Variants in WNT8B observed in about 807,000 individuals in gnomAD.
The protein encoded by WNT8B is protein Wnt-8b.
Under a neutral mutation model 36.6 loss-of-function variants are expected in WNT8B, and 24 were observed. The observed-to-expected ratio is 0.66, with a 90% confidence interval of 0.48 to 0.92. The LOEUF (loss-of-function observed/expected upper bound fraction) is 0.92, where lower values mean the gene tolerates loss of function less well. WNT8B is among the 40% of genes least tolerant of loss of function. The pLI is 0.00. For synonymous variants in WNT8B, 199 were observed against 189.8 expected (o/e 1.05, Z -0.40); for missense variants, 402 against 470.8 (o/e 0.85, Z 1.35).
In WNT8B at chr10:100,482,310, G is replaced by A. The variant is rs1309025860; in HGVS notation, c.550G>A (p.Gly184Ser). The change falls in exon 6 of 6, where the codon GGC becomes AGC. Residue 184 changes from glycine (G) to serine (S), a missense_variant. Physicochemically the swap from Gly to Ser is moderately conservative, Grantham distance 56 (BLOSUM62 0). Around this residue, in one of 3 missense-constraint regions of WNT8B, gnomAD observed 256 missense variants for 278.6 expected, o/e 0.92. Coordinates refer to ENST00000343737, the MANE Select transcript of WNT8B (RefSeq NM_003393.4). The surrounding 1 kb of genome is among the most constrained non-coding windows in gnomAD (Gnocchi z 6.6). ...GTMKRTCKCH[G>S]VSGSCTTQTC... ...CATGAAACGCACGTGCAAGTGCCAC[G>A]GCGTGTCTGGCAGCTGCACCACGCA... 1.3e-6 allele frequency: 2 copies of A among 1,597,350 alleles called. No individual in the cohort carries two copies. Among genetic ancestry groups the A allele is most frequent in the South Asian group, 2.2e-5 (2 of 90,804 alleles).
intron 1 of WNT8B, among the ~76,000 whole-genome samples, chr10:100,469,951 T>C (rs1850955517): frequency 6.6e-6 from 1 of 152,240 alleles, no homozygotes; most frequent in Non-Finnish European, 1.5e-5. Context: ...GCAGTTTCCC[T>C]ACTCCATACC....
rs758511801 is a variant in WNT8B, at chr10:100,479,897, T to C, written c.126T>C (p.Ser42=). The C allele has an allele frequency of 6.2e-7, 1 of 1,614,058 alleles. No individual in the cohort carries two copies. Among genetic ancestry groups the C allele is most frequent in the East Asian group, 2.2e-5 (1 of 44,878 alleles). ...AGGCTTACCTGATTTACTCCAGCAG[T>C]GTGGCAGCTGGTGCCCAGAGTGGTA... The part of the protein sequence containing the change: ...GPKAYLIYSS[S]VAAGAQSGIE... The change falls in exon 3 of 6, where the codon AGT becomes AGC. Residue 42 remains serine (S), a synonymous_variant. Transcript: ENST00000343737.
Position 100,482,375 on chromosome 10 carries a change from C to A in WNT8B, c.615C>A (p.Gly205=). 1 of 1,606,242 alleles carries A rather than the reference C, an allele frequency of 6.2e-7. No homozygotes were observed. The highest frequency in any genetic ancestry group is 8.5e-7 in the Non-Finnish European group (1 of 1,179,942). Residue 205 remains glycine, a synonymous_variant, in exon 6 of 6, where the codon GGC becomes GGA. Transcript: ENST00000343737. The surrounding 1 kb of genome is among the most constrained non-coding windows in gnomAD (Gnocchi z 6.6). ...AGCTGCCCGAGTTCCGCGAGGTGGGCGCGCACCTGAAGGAGAAGTACCACG... is the reference window on the plus strand; with the variant it reads ...AGCTGCCCGAGTTCCGCGAGGTGGGAGCGCACCTGAAGGAGAAGTACCACG... The part of the protein sequence containing the change: ...WLQLPEFREV[G]AHLKEKYHAA...
At chr10:100,476,263 G>A (rs754023212) in intron 1 of WNT8B, among the ~76,000 whole-genome samples, 7 of 151,962 alleles carry the variant, frequency 4.6e-5, no homozygotes, top group Non-Finnish European at 7.4e-5. Flanking sequence ...AAGCCGAGAT[G>A]GCACCACTCT....
At chr10:100,466,108 C>T (rs1850905211) in intron 1 of WNT8B, among the ~76,000 whole-genome samples, 1 of 151,816 alleles carries the variant, frequency 6.6e-6, no homozygotes, top group Admixed American at 6.6e-5. Flanking sequence ...AGTGAAGATC[C>T]ACTAAAACTG....
intron 3 of WNT8B, among the ~76,000 whole-genome samples, chr10:100,480,709 C>T (rs1326024309): frequency 2.0e-5 from 3 of 152,022 alleles, no homozygotes; most frequent in African/African-American, 2.4e-5. Flanking sequence ...GGGTAAGATA[C>T]ACTATAAAGA....
chr10:100,482,080 G>A lies in WNT8B; in HGVS notation c.510+26G>A, dbSNP rs753607495. The A allele has an allele frequency of 2.5e-6, 4 of 1,613,516 alleles. No individual in the cohort carries two copies. The highest frequency in any genetic ancestry group is 2.5e-6 in the Non-Finnish European group (3 of 1,179,598). On this transcript the variant is annotated intron_variant, in intron 5 of 5. Coordinates refer to ENST00000343737, the MANE Select transcript of WNT8B (RefSeq NM_003393.4). This position sits in a 1 kb window ranked among gnomAD's most constrained non-coding sequence, Gnocchi z 6.6. The stretch of plus-strand genomic sequence containing the variant: ...GTGAGTCCCGCAGCCCTTGGAAATA[G>A]GCAGCTGCTGGCTATATCCACTACC...
chr10:100,482,305 G>A lies in WNT8B; in HGVS notation c.545G>A (p.Cys182Tyr). 2 of 1,596,586 alleles carry A rather than the reference G, an allele frequency of 1.3e-6. No individual in the cohort carries two copies. The highest frequency in any genetic ancestry group is 8.5e-7 in the Non-Finnish European group (1 of 1,176,482). ...VKGTMKRTCK[C>Y]HGVSGSCTTQ... ...GGCACCATGAAACGCACGTGCAAGT[G>A]CCACGGCGTGTCTGGCAGCTGCACC... The change falls in exon 6 of 6, where the codon TGC becomes TAC. Residue 182 changes from cysteine (C) to tyrosine (Y), a missense_variant. This residue lies in a region of WNT8B where 256 missense variants were observed against 278.6 expected (regional missense o/e 0.92). Coordinates refer to ENST00000343737, the MANE Select transcript of WNT8B (RefSeq NM_003393.4). This position sits in a 1 kb window ranked among gnomAD's most constrained non-coding sequence, Gnocchi z 6.6.
At position 100,483,018 on chromosome 10, in the gene WNT8B, C is replaced by G; in HGVS notation, c.*202C>G. 2.3e-5 allele frequency: 13 copies of G among 562,630 alleles called. No individual in the cohort carries two copies. The highest frequency in any genetic ancestry group is 7.5e-5 in the Admixed American group (2 of 26,584). The allele number at this position is 562,630 out of a possible 1,614,324, so 34.9% of individuals were successfully genotyped here. On this transcript the variant is annotated 3_prime_UTR_variant, in exon 6 of 6. Coordinates refer to ENST00000343737, the MANE Select transcript of WNT8B (RefSeq NM_003393.4). ...TGCTCTCCTAGAGCTCTGTCTGAAT[C>G]CTCGCAGCCACACCTAGGTCTGAGA...
rs1851140660 is a variant in WNT8B, at chr10:100,483,074, G to A, written c.*258G>A. 2.3e-6 allele frequency: 1 copy of A among 437,556 alleles called. No individual in the cohort carries two copies. Among genetic ancestry groups the A allele is most frequent in the Non-Finnish European group, 4.0e-6 (1 of 250,614 alleles). The allele number at this position is 437,556 out of a possible 1,614,324, so 27.1% of individuals were successfully genotyped here. The stretch of plus-strand genomic sequence containing the variant: ...GGCTTTGAGTTACTGATCTTCCTTG[G>A]ATTAGGAGAACAGGTGTTCCTCCTC... On this transcript the variant is annotated 3_prime_UTR_variant, in exon 6 of 6. Coordinates refer to ENST00000343737, the MANE Select transcript of WNT8B (RefSeq NM_003393.4).
chr10:100,472,090 A>G (rs1318256233), intron 1 of WNT8B, among the ~76,000 whole-genome samples: 2 of 149,566 alleles, frequency 1.3e-5, no homozygotes, highest in Non-Finnish European at 3.0e-5. Flanking sequence ...GCTACTCGGG[A>G]GGCTGAGGTG....
intron 1 of WNT8B, 141 bp from the exon 2 acceptor site, chr10:100,478,911 C>A: frequency 1.4e-6 from 1 of 708,758 alleles, no homozygotes; most frequent in Non-Finnish European, 2.2e-6. Flanking sequence ...GTTTGTTATG[C>A]ACAGTGTTTC....
intron 1 of WNT8B, among the ~76,000 whole-genome samples, chr10:100,478,823 T>G (rs1554840109): frequency 1.3e-5 from 2 of 152,168 alleles, no homozygotes; most frequent in Non-Finnish European, 2.9e-5. Context: ...CCTCAAGTGA[T>G]CCACCTGCTT....
chr10:100,472,394 G>T (rs1589723805), intron 1 of WNT8B, among the ~76,000 whole-genome samples: 1 of 152,004 alleles, frequency 6.6e-6, no homozygotes, highest in Non-Finnish European at 1.5e-5. Context: ...CACCACACCT[G>T]GCCGGAAGAT....
chr10:100,471,882 C>T (rs1194314599), intron 1 of WNT8B, among the ~76,000 whole-genome samples: 1 of 152,114 alleles, frequency 6.6e-6, no homozygotes, highest in Non-Finnish European at 1.5e-5. Flanking sequence ...CAACGAGACC[C>T]TGTCTCTACA....
intron 1 of WNT8B, among the ~76,000 whole-genome samples, chr10:100,466,092 T>A (rs1463912613): frequency 6.6e-6 from 1 of 152,016 alleles, no homozygotes; most frequent in Non-Finnish European, 1.5e-5. Context: ...AAACCATATA[T>A]GATCAAGTGA....
rs184745344 is a variant in WNT8B at position 100,469,748 on chromosome 10, C to T, written c.68+6512C>T. On this transcript the variant is annotated intron_variant, in intron 1 of 5. Transcript: ENST00000343737. ...ACATACCTTTGTGTCTGCTCGTGCA[C>T]ATGTGTTCTACAGGTCAGATGTGTG... Among the ~76,000 whole-genome samples, 13 of 152,306 alleles carry T rather than the reference C, an allele frequency of 8.5e-5. No individual in the cohort carries two copies. The East Asian group carries it at 2.5e-3, about 29-fold the overall frequency.
intron 1 of WNT8B, among the ~76,000 whole-genome samples, chr10:100,466,839 T>A (rs1467912464): frequency 6.6e-6 from 1 of 152,190 alleles, no homozygotes; most frequent in African/African-American, 2.4e-5. Context: ...TTGGGACTAT[T>A]AATAAAATTC....
At position 100,479,938 on chromosome 10, in the gene WNT8B, A is replaced by G. The variant is rs1236802178; in HGVS notation, c.167A>G (p.Tyr56Cys). The G allele has an allele frequency of 6.2e-7, 1 of 1,613,994 alleles. No individual in the cohort carries two copies. The highest frequency in any genetic ancestry group is 8.5e-7 in the Non-Finnish European group (1 of 1,179,932). The change falls in exon 3 of 6, where the codon TAT becomes TGT. Residue 56 changes from tyrosine to cysteine, a missense_variant. Physicochemically the swap from Tyr to Cys is radical, Grantham distance 194. This residue lies in a region of WNT8B where 131 missense variants were observed against 152.6 expected (regional missense o/e 0.86). Transcript: ENST00000343737. ...GAQSGIEECK[Y>C]QFAWDRWNCP... Reference sequence around the variant, plus strand: ...CAGAGTGGTATTGAAGAATGCAAGTATCAGTTTGCCTGGGACCGCTGGAAC... The same window carrying G: ...CAGAGTGGTATTGAAGAATGCAAGTGTCAGTTTGCCTGGGACCGCTGGAAC...
Sources: gnomAD v4.1 joint callset for allele counts (sites outside exome capture counted in the v4.1 genomes callset) on GRCh38, gnomAD v4.1.1 for gene constraint, gnomAD v4.1.1 regional missense constraint, Gnocchi (gnomAD v3.1) non-coding constraint, MANE v1.5 for transcripts, NCBI Gene and HGNC (gene_info 2026-07-23, HGNC 2026-07-21) for gene names.